CDH18: variants seen among roughly 807,000 people sequenced by gnomAD.
CDH18 encodes the protein cadherin 18, also known as cadherin-18.
A neutral mutation model predicts 67.9 loss-of-function variants in CDH18; 31 were observed. The ratio of observed to expected loss-of-function variants is 0.46; its 90% CI spans 0.34 to 0.62. The LOEUF (loss-of-function observed/expected upper bound fraction) is 0.62. CDH18 is among the 20% of genes least tolerant of loss of function. CDH18 has a pLI of 0.01. For missense variants in CDH18, 890 were observed against 975.5 expected (o/e 0.91, Z 1.17); for synonymous variants, 362 against 347.2 (o/e 1.04, Z -0.48).
intron 2 of CDH18, among the ~76,000 whole-genome samples, chr5:20,106,104 G>GA (rs2150583935): frequency 6.6e-6 from 1 of 152,088 alleles, no homozygotes; most frequent in Non-Finnish European, 1.5e-5. Context: ...TAATTCCCTG[G>GA]CAGAAGATCA....
chr5:19,904,306 G>GA (rs1185620799), intron 2 of CDH18, among the ~76,000 whole-genome samples: 3 of 133,454 alleles, frequency 2.2e-5, no homozygotes, highest in Non-Finnish European at 3.2e-5. Context: ...AAAAAGAAAA[G>GA]AAAAAACGAA....
intron 5 of CDH18, among the ~76,000 whole-genome samples, chr5:19,629,143 T>A (rs1752035369): frequency 6.6e-6 from 1 of 152,164 alleles, no homozygotes; most frequent in Non-Finnish European, 1.5e-5. Context: ...TTAAGTGAAT[T>A]TTTAAGCATA....
intron 2 of CDH18, among the ~76,000 whole-genome samples, chr5:19,993,424 G>A (rs1047958702): frequency 6.6e-6 from 1 of 152,026 alleles, no homozygotes; most frequent in African/African-American, 2.4e-5. Flanking sequence ...AAAATATTGA[G>A]AACTTATTTG....
intron 1 of CDH18, among the ~76,000 whole-genome samples, chr5:20,477,791 C>T (rs575893783): frequency 2.4e-4 from 37 of 152,270 alleles, no homozygotes; most frequent in Non-Finnish European, 3.7e-4. Flanking sequence ...CCCAGTGAGA[C>T]GCCAGCTGGG....
intron 11 of CDH18, among the ~76,000 whole-genome samples, chr5:19,493,579 G>C (rs554496385): frequency 1.0e-3 from 155 of 150,658 alleles, no homozygotes; most frequent in Non-Finnish European, 1.2e-3. Flanking sequence ...TAAAGCGTTT[G>C]TCTTCATTTT....
chr5:19,914,429 G>A (rs1245050774), intron 2 of CDH18, among the ~76,000 whole-genome samples: 1 of 151,950 alleles, frequency 6.6e-6, no homozygotes, highest in Non-Finnish European at 1.5e-5. Context: ...TCAATTGTTT[G>A]CTTATTTTTA....
chr5:20,167,639 T>A (rs1001252784), intron 2 of CDH18, among the ~76,000 whole-genome samples: 14 of 152,068 alleles, frequency 9.2e-5, no homozygotes, highest in African/African-American at 3.4e-4. Context: ...TAGAAGAGAG[T>A]GCATTTACAA....
chr5:19,563,208 G>A (rs1739765145), intron 8 of CDH18, among the ~76,000 whole-genome samples: 1 of 152,084 alleles, frequency 6.6e-6, no homozygotes, highest in Non-Finnish European at 1.5e-5. Context: ...GTATAATAGG[G>A]AGCATATTGG....
chr5:19,623,742 G>A (rs1215197911), intron 5 of CDH18, among the ~76,000 whole-genome samples: 1 of 151,286 alleles, frequency 6.6e-6, no homozygotes, highest in Non-Finnish European at 1.5e-5. Context: ...ACTATATTTA[G>A]AGTCATATAA....
intron 12 of CDH18, chr5:19,478,449 A>C (rs2126543328): frequency 6.6e-6 from 1 of 152,276 alleles, no homozygotes; most frequent in African/African-American, 2.4e-5. Context: ...AGATTTTTAA[A>C]CCAAGGGTAG....
At chr5:20,395,719 G>A (rs1189800077) in intron 1 of CDH18, among the ~76,000 whole-genome samples, 1 of 152,066 alleles carries the variant, frequency 6.6e-6, no homozygotes, top group Non-Finnish European at 1.5e-5. Context: ...CTGGTGGCTG[G>A]GGATCTCTAC....
intron 2 of CDH18, among the ~76,000 whole-genome samples, chr5:19,947,071 C>T (rs887356459): frequency 1.4e-4 from 21 of 152,080 alleles, no homozygotes; most frequent in African/African-American, 2.9e-4. Context: ...TAGAATTAGA[C>T]GATACTTCCT....
intron 11 of CDH18, among the ~76,000 whole-genome samples, chr5:19,490,755 T>A (rs891200661): frequency 6.6e-6 from 1 of 152,050 alleles, no homozygotes; most frequent in Non-Finnish European, 1.5e-5. Context: ...CTTCTATTTT[T>A]TTGCTTAGTG....
chr5:20,474,990 A>T (rs370531175), intron 1 of CDH18, among the ~76,000 whole-genome samples: 1 of 152,198 alleles, frequency 6.6e-6, no homozygotes, highest in Non-Finnish European at 1.5e-5. Flanking sequence ...TTGAATAGCT[A>T]GCAGAAGCCA....
intron 1 of CDH18, among the ~76,000 whole-genome samples, chr5:20,463,611 G>A (rs1751425312): frequency 6.6e-6 from 1 of 152,042 alleles, no homozygotes; most frequent in African/African-American, 2.4e-5. Flanking sequence ...AACAGCATGG[G>A]GGAAACCATC....
intron 2 of CDH18, among the ~76,000 whole-genome samples, chr5:20,068,836 A>T (rs542336049): frequency 6.6e-6 from 1 of 152,288 alleles, no homozygotes; most frequent in South Asian, 2.1e-4. Flanking sequence ...TATATTTGTT[A>T]TTCAAATAAT....
chr5:20,360,639 C>A (rs1304500122), intron 1 of CDH18, among the ~76,000 whole-genome samples: 1 of 152,154 alleles, frequency 6.6e-6, no homozygotes, highest in Non-Finnish European at 1.5e-5. Context: ...TCCTTCATCA[C>A]AATAGTTGGG....
At chr5:20,251,123 C>T (rs1052546794) in intron 2 of CDH18, among the ~76,000 whole-genome samples, 7 of 152,090 alleles carry the variant, frequency 4.6e-5, no homozygotes, top group East Asian at 1.9e-4. Flanking sequence ...AGAAACTTAG[C>T]TCTAACATGC....
chr5:19,729,082 G>A (rs1036381666), intron 4 of CDH18, among the ~76,000 whole-genome samples: 2 of 152,088 alleles, frequency 1.3e-5, no homozygotes, highest in African/African-American at 4.8e-5. Context: ...ACTATTTTGT[G>A]TACTAACTAT....
Sources: allele counts gnomAD v4.1 joint callset (sites outside exome capture counted in the v4.1 genomes callset), GRCh38; gene constraint gnomAD v4.1.1; transcripts MANE v1.5; gene names NCBI Gene and HGNC (gene_info 2026-07-23, HGNC 2026-07-21).